DNAH11: variants seen among roughly 807,000 people sequenced by gnomAD.
DNAH11 encodes dynein axonemal heavy chain 11.
DNAH11 carries 442 observed loss-of-function variants against 526.0 expected under a neutral mutation model. That is an observed-to-expected ratio of 0.84 (90% CI 0.78 to 0.91). DNAH11 has a LOEUF of 0.91. DNAH11 is among the 40% of genes least tolerant of loss of function. The pLI is 0.00. For synonymous variants in DNAH11, 2,461 were observed against 1,935.9 expected, an observed-to-expected ratio of 1.27 and a Z score of -7.12; for missense variants, 6,989 against 5,448.7, an observed-to-expected ratio of 1.28 and a Z score of -8.90.
At chr7:21,674,028 T>TTGTGTGTGTGTGTGTGTGTGTG (rs59263134) in intron 30 of DNAH11, among the ~76,000 whole-genome samples, 1 of 137,252 alleles carries the variant, frequency 7.3e-6, no homozygotes, top group African/African-American at 2.6e-5. Flanking sequence ...CTGTTTTGTT[T>TTGTGTGTGTGTGTGTGTGTGTG]TGTGTGTGTG....
At chr7:21,897,366 C>G (rs1183203495) in intron 79 of DNAH11, among the ~76,000 whole-genome samples, 1 of 152,132 alleles carries the variant, frequency 6.6e-6, no homozygotes, top group Non-Finnish European at 1.5e-5. Flanking sequence ...TAATAACACC[C>G]TCAGTTGGAG....
At chr7:21,792,657 A>G (rs1472412454) in intron 61 of DNAH11, among the ~76,000 whole-genome samples, 1 of 152,016 alleles carries the variant, frequency 6.6e-6, no homozygotes, top group Non-Finnish European at 1.5e-5. Context: ...TTCATTTCTT[A>G]TAGGTTTTCC....
chr7:21,561,660 T>G (rs1783464667), intron 5 of DNAH11, among the ~76,000 whole-genome samples: 1 of 152,118 alleles, frequency 6.6e-6, no homozygotes, highest in Non-Finnish European at 1.5e-5. Flanking sequence ...TGCATCTTGT[T>G]ACAAACCAGG....
intron 63 of DNAH11, among the ~76,000 whole-genome samples, chr7:21,810,501 C>T (rs1789468471): frequency 6.6e-6 from 1 of 152,048 alleles, no homozygotes; most frequent in Admixed American, 6.6e-5. Context: ...TGCAAGCTGG[C>T]CAAACCAAAG....
At chr7:21,658,127 G>C (rs1296846945) in intron 29 of DNAH11, among the ~76,000 whole-genome samples, 2 of 151,824 alleles carry the variant, frequency 1.3e-5, no homozygotes, top group Non-Finnish European at 2.9e-5. Flanking sequence ...GGGCTAAGTT[G>C]TATTTTTGGG....
chr7:21,592,328 A>G (rs1784718352), intron 14 of DNAH11, among the ~76,000 whole-genome samples: 1 of 152,200 alleles, frequency 6.6e-6, no homozygotes, highest in African/African-American at 2.4e-5. Context: ...TCTGCAGAGA[A>G]CTGACAGGGA....
intron 54 of DNAH11, among the ~76,000 whole-genome samples, chr7:21,757,733 A>G (rs1786700377): frequency 6.6e-6 from 1 of 152,226 alleles, no homozygotes; most frequent in East Asian, 1.9e-4. Context: ...ACACAGCGTC[A>G]TGTGCAGGGA....
intron 44 of DNAH11, among the ~76,000 whole-genome samples, 181 bp downstream of exon 44, chr7:21,721,037 C>G (rs939808699): frequency 6.6e-6 from 1 of 152,200 alleles, no homozygotes; most frequent in Non-Finnish European, 1.5e-5. Flanking sequence ...CTAACCCCAG[C>G]TGACAATGCC....
rs1782662680 is a variant in DNAH11 at position 21,543,418 on chromosome 7, G to T, written c.173G>T (p.Arg58Leu). 6.4e-7 allele frequency: 1 copy of T among 1,555,236 alleles called. No homozygotes were observed. The highest frequency in any genetic ancestry group is 1.4e-5 in the African/African-American group (1 of 73,472). The part of the protein sequence containing the change: ...RRARSFAQDA[R>L]VRFLGGRLAM... Reference sequence around the variant, plus strand: ...GCGCGGAGTTTCGCCCAAGACGCGCGGGTGCGCTTCCTCGGCGGCCGCCTG... The same window carrying T: ...GCGCGGAGTTTCGCCCAAGACGCGCTGGTGCGCTTCCTCGGCGGCCGCCTG... Residue 58 changes from arginine (R) to leucine (L), a missense_variant, in exon 1 of 82, where the codon CGG (arginine) becomes CTG (leucine). Arg to Leu is a moderately radical substitution (Grantham distance 102). Transcript: ENST00000409508.
At chr7:21,718,652 T>G (rs1583624109) in intron 43 of DNAH11, among the ~76,000 whole-genome samples, 2 of 152,278 alleles carry the variant, frequency 1.3e-5, no homozygotes, top group East Asian at 3.9e-4. Context: ...GATCTTCATC[T>G]CAGCATGAAG....
intron 64 of DNAH11, among the ~76,000 whole-genome samples, chr7:21,817,942 A>C (rs966249772): frequency 1.3e-5 from 2 of 152,198 alleles, no homozygotes; most frequent in African/African-American, 4.8e-5. Flanking sequence ...ACTTATTTCA[A>C]CTACAGTTGC....
chr7:21,776,202 A>G (rs1787666426), intron 56 of DNAH11, among the ~76,000 whole-genome samples: 1 of 152,218 alleles, frequency 6.6e-6, no homozygotes. Flanking sequence ...TAAGAACCAC[A>G]GGCAGAAAGT....
chr7:21,600,537 A>G (rs1785039405), intron 15 of DNAH11, 139 bp from the exon 16 acceptor site: 1 of 1,001,628 alleles, frequency 1.0e-6, no homozygotes. Flanking sequence ...GGGAAAAGAG[A>G]AGTTGGAAAA....
chr7:21,620,558 C>CT (rs896152554), intron 25 of DNAH11, among the ~76,000 whole-genome samples: 7 of 151,816 alleles, frequency 4.6e-5, no homozygotes, highest in South Asian at 2.1e-4. Context: ...GGATTTTATT[C>CT]TTTTTTTTAA....
At chr7:21,681,479 G>T in intron 30 of DNAH11, 67 bp from the exon 31 acceptor site, 1 of 1,496,160 alleles carries the variant, frequency 6.7e-7, no homozygotes, top group Non-Finnish European at 9.1e-7. Context: ...CAAATACGAA[G>T]AATTTGGGGC....
At position 21,842,272 on chromosome 7, in the gene DNAH11, T is replaced by C. The variant is rs536910853; in HGVS notation, c.10692-272T>C. ...GCTAATATTTGTTGTTATAGGTCTT[T>C]TATATGATTGTATTTAATTGTTACA... On this transcript the variant is annotated intron_variant, in intron 65 of 81. Transcript: ENST00000409508. Among the ~76,000 whole-genome samples, 4 of 152,350 alleles carry C rather than the reference T, an allele frequency of 2.6e-5. No homozygotes were observed. The South Asian group carries it at 6.2e-4, about 24-fold the overall frequency.
At chr7:21,673,685 A>G (rs562994660) in intron 30 of DNAH11, among the ~76,000 whole-genome samples, 1 of 152,126 alleles carries the variant, frequency 6.6e-6, no homozygotes, top group South Asian at 2.1e-4. Context: ...CTCCCTCATT[A>G]CTCAAAACAA....
intron 25 of DNAH11, among the ~76,000 whole-genome samples, chr7:21,624,542 T>G (rs1241535026): frequency 6.6e-6 from 1 of 152,198 alleles, no homozygotes; most frequent in Non-Finnish European, 1.5e-5. Context: ...ATTTGAGTGC[T>G]TTTTATTTCT....
chr7:21,704,512 G>A lies in DNAH11; in HGVS notation c.6352G>A (p.Gly2118Ser), dbSNP rs72657342. 8.9e-4 allele frequency: 1,438 copies of A among 1,613,768 alleles called. 1 individual carries two copies. The highest frequency in any genetic ancestry group is 1.1e-3 in the Non-Finnish European group (1,342 of 1,179,828). ...CATCCCAGTGTTTCTGGGCCTGGTC[G>A]GTGACCTGTTTCCAGCCCTGGATGT... The part of the protein sequence containing the change: ...DDIPVFLGLV[G>S]DLFPALDVPR... Residue 2118 changes from glycine (G) to serine (S), a missense_variant, in exon 38 of 82, where the codon GGT becomes AGT. Transcript: ENST00000409508.
Sources: gnomAD v4.1 joint callset for allele counts (sites outside exome capture counted in the v4.1 genomes callset) on GRCh38, gnomAD v4.1.1 for gene constraint, MANE v1.5 for transcripts, NCBI Gene and HGNC (gene_info 2026-07-23, HGNC 2026-07-21) for gene names.